Variants in LCA5 observed in about 807,000 individuals in gnomAD.
LCA5 encodes lebercilin LCA5.
In LCA5, 37 loss-of-function variants were observed where a neutral mutation model predicts 53.0. The observed-to-expected ratio is 0.70, with a 90% CI of 0.54 to 0.92. LCA5 has a LOEUF of 0.92. Among genes scored for constraint, LCA5 ranks in the 40% least tolerant of loss-of-function variants. The pLI, the probability that LCA5 is intolerant of heterozygous loss-of-function variation, is 0.00. For missense variants in LCA5, 806 were observed against 790.5 expected, an observed-to-expected ratio of 1.02 and a Z score of -0.23; for synonymous variants, 303 against 282.9, an observed-to-expected ratio of 1.07 and a Z score of -0.71.
Position 79,513,515 on chromosome 6 carries a change from A to G in LCA5, c.417T>C (p.Leu139=). 6.2e-7 allele frequency: 1 copy of G among 1,613,952 alleles called. No individual in the cohort carries two copies. The highest frequency in any genetic ancestry group is 8.5e-7 in the Non-Finnish European group (1 of 1,179,902). The change falls in exon 3 of 8, where the codon CTT becomes CTC. Residue 139 remains leucine (L), a synonymous_variant. Coordinates refer to ENST00000369846, the MANE Select transcript of LCA5 (RefSeq NM_001122769.3). ...TCAGGGCTTTCTCCTGTCTGTACTG[A>G]AGCCTTTTCAAAGATTTATTTTCTT... ...LLKENKSLKR[L]QYRQEKALNK...
intron 3 of LCA5, among the ~76,000 whole-genome samples, chr6:79,504,132 T>C (rs1191507215): frequency 6.6e-6 from 1 of 152,142 alleles, no homozygotes; most frequent in African/African-American, 2.4e-5. Flanking sequence ...ACAACTATCA[T>C]CCAGTACCAC....
chr6:79,514,969 T>C (rs1766385328), intron 2 of LCA5, among the ~76,000 whole-genome samples: 1 of 152,032 alleles, frequency 6.6e-6, no homozygotes, highest in African/African-American at 2.4e-5. Flanking sequence ...ATAACACATG[T>C]TTACCCATGT....
At chr6:79,525,936 T>G (rs1343961607) in intron 1 of LCA5, among the ~76,000 whole-genome samples, 1 of 152,166 alleles carries the variant, frequency 6.6e-6, no homozygotes, top group Non-Finnish European at 1.5e-5. Flanking sequence ...AGGGAGTCAC[T>G]GGGGACCCCA....
chr6:79,487,050 G>T lies in LCA5; in HGVS notation c.2048C>A (p.Ala683Glu). ...AATTTCATCTTCTACAGAATCAGCT[G>T]CTTTTACTGCTGGTTTATCGTCTGC... ...KHADDKPAVK[A>E]ADSVEDEIEE... Residue 683 changes from alanine to glutamate, a missense_variant, in exon 8 of 8, where the codon GCA (alanine) becomes GAA (glutamate). Transcript: ENST00000369846. 6.2e-7 allele frequency: 1 copy of T among 1,613,686 alleles called. No homozygotes were observed.
At chr6:79,516,277 A>G (rs536995195) in intron 2 of LCA5, among the ~76,000 whole-genome samples, 3 of 152,084 alleles carry the variant, frequency 2.0e-5, no homozygotes, top group South Asian at 4.1e-4. Context: ...CAACATATGT[A>G]GTTAATGGAA....
intron 6 of LCA5, 125 bp downstream of exon 6, chr6:79,491,463 G>A: frequency 1.0e-6 from 1 of 985,988 alleles, no homozygotes; most frequent in South Asian, 1.4e-5. Flanking sequence ...CCTTCAAAAA[G>A]GCTAGTCGCA....
chr6:79,490,531 AG>A lies in LCA5; in HGVS notation c.1098+1056del, dbSNP rs577475660. Among the ~76,000 whole-genome samples the A allele has an allele frequency of 3.3e-5, 5 of 152,272 alleles. No individual in the cohort carries two copies. The East Asian group carries it at 9.6e-4, about 29-fold the overall frequency. ...TATACTGTAAAAAGACCTATATTTT[AG>A]TCCTTTTAAAGTTAACAATTACTTT... On this transcript the variant is annotated intron_variant, in intron 6 of 7. Coordinates refer to ENST00000369846, the MANE Select transcript of LCA5 (RefSeq NM_001122769.3).
intron 3 of LCA5, among the ~76,000 whole-genome samples, chr6:79,506,663 A>G (rs1302639024): frequency 6.6e-6 from 1 of 152,232 alleles, no homozygotes; most frequent in African/African-American, 2.4e-5. Flanking sequence ...AGAACTGCCT[A>G]TGTTAAGTCA....
At chr6:79,515,487 GT>G (rs1417752825) in intron 2 of LCA5, among the ~76,000 whole-genome samples, 1 of 152,042 alleles carries the variant, frequency 6.6e-6, no homozygotes, top group African/African-American at 2.4e-5. Context: ...TTGAAATAAT[GT>G]TTTTATTTTT....
Position 79,513,709 on chromosome 6 carries a change from T to C in LCA5, c.223A>G (p.Asn75Asp), listed in dbSNP as rs1766327660. ...AATCCCACTCGGACTCCCTTTCTGT[T>C]TGGTAGACCCTTAGGGCTTGGTTTC... ...PRKPSPKGLP[N>D]RKGVRVGFRS... Residue 75 changes from asparagine to aspartate, a missense_variant, in exon 3 of 8, where the codon AAC becomes GAC. Coordinates refer to ENST00000369846, the MANE Select transcript of LCA5 (RefSeq NM_001122769.3). 5.0e-6 allele frequency: 8 copies of C among 1,613,698 alleles called. No homozygotes were observed. In the East Asian group the frequency reaches 1.8e-4, roughly 36 times the overall value.
rs1769618699 is a variant in LCA5, at chr6:79,485,335, A to T, written c.*1669T>A. ...GAATACTTTTGGCAGAAAAATTAGCAGCTAGGAACAAAATTAACATTACAT... is the reference window on the plus strand; with the variant it reads ...GAATACTTTTGGCAGAAAAATTAGCTGCTAGGAACAAAATTAACATTACAT... On this transcript the variant is annotated 3_prime_UTR_variant, in exon 8 of 8. Transcript: ENST00000369846. 6.6e-6 allele frequency: 1 copy of T among 152,612 alleles called. No homozygotes were observed. Among genetic ancestry groups the T allele is most frequent in the African/African-American group, 2.4e-5 (1 of 41,456 alleles). 9.5% of individuals were successfully genotyped at this position (152,612 alleles called of 1,614,324 possible).
intron 3 of LCA5, among the ~76,000 whole-genome samples, chr6:79,508,891 T>C (rs1770337396): frequency 6.6e-6 from 1 of 151,914 alleles, no homozygotes; most frequent in Non-Finnish European, 1.5e-5. Flanking sequence ...AAAAATAAAA[T>C]AAGGCACAAA....
At chr6:79,492,431 T>A in intron 5 of LCA5, 120 bp downstream of exon 5, 1 of 478,676 alleles carries the variant, frequency 2.1e-6, no homozygotes. Context: ...TTGCAACAAA[T>A]ACATTTATTT....
upstream of LCA5, among the ~76,000 whole-genome samples, chr6:79,537,876 G>C (rs1376194251): frequency 6.6e-6 from 1 of 152,138 alleles, no homozygotes; most frequent in Non-Finnish European, 1.5e-5. Context: ...TGATTCAGGA[G>C]GATGCGGGGT....
chr6:79,492,106 T>C (rs1382349554), intron 5 of LCA5, among the ~76,000 whole-genome samples: 1 of 151,854 alleles, frequency 6.6e-6, no homozygotes, highest in East Asian at 1.9e-4. Context: ...AAACTACAAA[T>C]AACAATACAA....
chr6:79,514,360 A>G (rs1240976583), intron 2 of LCA5, among the ~76,000 whole-genome samples: 3 of 152,150 alleles, frequency 2.0e-5, no homozygotes, highest in Admixed American at 1.3e-4. Flanking sequence ...AGTAAAAAGA[A>G]TAACAGGTGC....
chr6:79,532,822 C>T (rs573020655), intron 1 of LCA5, among the ~76,000 whole-genome samples: 1 of 152,230 alleles, frequency 6.6e-6, no homozygotes, highest in Admixed American at 6.5e-5. Flanking sequence ...ACCCGTGAGA[C>T]AGAACTCTTG....
At chr6:79,500,160 T>C (rs1217022734) in intron 3 of LCA5, among the ~76,000 whole-genome samples, 2 of 152,146 alleles carry the variant, frequency 1.3e-5, no homozygotes, top group Non-Finnish European at 2.9e-5. Flanking sequence ...TAAACATATG[T>C]GTGCATGTGT....
chr6:79,501,838 G>C (rs1307365252), intron 3 of LCA5, among the ~76,000 whole-genome samples: 2 of 150,792 alleles, frequency 1.3e-5, no homozygotes, highest in African/African-American at 4.9e-5. Context: ...ATAATATATA[G>C]AGTTCTATAA....
Sources: gnomAD v4.1 joint callset for allele counts (sites outside exome capture counted in the v4.1 genomes callset) on GRCh38, gnomAD v4.1.1 for gene constraint, MANE v1.5 for transcripts, NCBI Gene and HGNC (gene_info 2026-07-23, HGNC 2026-07-21) for gene names.